Variants in SLC71A2 observed in about 807,000 individuals in gnomAD.
The protein encoded by SLC71A2 is hippocampus abundant transcript-like 1.
chr9:94,420,109 A>T, the SLC71A2 span, among the ~76,000 whole-genome samples: 1 of 152,088 alleles, frequency 6.6e-6, no homozygotes, highest in Non-Finnish European at 1.5e-5. Context: ...ATGGCCAAGG[A>T]TGTATGAGTG....
the SLC71A2 span, among the ~76,000 whole-genome samples, chr9:94,453,148 CTTTTTTT>C: frequency 1.6e-5 from 2 of 124,774 alleles, no homozygotes; most frequent in Admixed American, 8.3e-5. Context: ...ACTCAGCCAT[CTTTTTTT>C]TTTTTTTTTT....
At chr9:94,447,753 C>T in the SLC71A2 span, among the ~76,000 whole-genome samples, 410 of 152,286 alleles carry the variant, frequency 2.7e-3, 1 homozygote, top group African/African-American at 9.4e-3. Context: ...CGTATGATGA[C>T]ATGATAACAT....
the SLC71A2 span, chr9:94,458,522 C>A: frequency 6.6e-7 from 1 of 1,515,472 alleles, no homozygotes; most frequent in Non-Finnish European, 9.1e-7. Flanking sequence ...ATAGCAAAAT[C>A]TTGTGACCTT....
chr9:94,405,764 T>C, the SLC71A2 span, among the ~76,000 whole-genome samples: 1 of 152,092 alleles, frequency 6.6e-6, no homozygotes, highest in Non-Finnish European at 1.5e-5. Context: ...AAGATTGTTT[T>C]GGCTTTTGGG....
the SLC71A2 span, among the ~76,000 whole-genome samples, chr9:94,458,848 ATTAATG>A: frequency 6.6e-6 from 1 of 152,322 alleles, no homozygotes; most frequent in African/African-American, 2.4e-5. Context: ...CAAAGCTGGA[ATTAATG>A]TTCATGTACA....
chr9:94,424,422 A>G, the SLC71A2 span, among the ~76,000 whole-genome samples: 1 of 151,944 alleles, frequency 6.6e-6, no homozygotes, highest in Non-Finnish European at 1.5e-5. Context: ...TTTAGTAGAT[A>G]CTGGGTTTCA....
chr9:94,374,911 C>G, the SLC71A2 span: 4 of 1,269,710 alleles, frequency 3.2e-6, no homozygotes. Context: ...GGCGCGCAGG[C>G]CGCGGGGAGC....
chr9:94,390,680 C>T, the SLC71A2 span, among the ~76,000 whole-genome samples: 1 of 152,128 alleles, frequency 6.6e-6, no homozygotes, highest in Non-Finnish European at 1.5e-5. Flanking sequence ...TGTAGACATG[C>T]CTGAACATTT....
the SLC71A2 span, among the ~76,000 whole-genome samples, chr9:94,417,868 C>CCCA: frequency 2.0e-5 from 1 of 49,536 alleles, no homozygotes; most frequent in East Asian, 1.8e-3. Context: ...ACCCCCCCCC[C>CCCA]CCCCCCCCGA....
At chr9:94,438,566 T>G in the SLC71A2 span, 1 of 1,603,096 alleles carries the variant, frequency 6.2e-7, no homozygotes, top group South Asian at 1.1e-5. Context: ...ACTGCTTGTT[T>G]TGAGTCACAT....
At chr9:94,402,245 G>A in the SLC71A2 span, among the ~76,000 whole-genome samples, 1 of 152,140 alleles carries the variant, frequency 6.6e-6, no homozygotes. Context: ...GAGTCGCTCT[G>A]GTTCACACGC....
At chr9:94,440,377 TCTC>T in the SLC71A2 span, among the ~76,000 whole-genome samples, 1 of 152,024 alleles carries the variant, frequency 6.6e-6, no homozygotes, top group Non-Finnish European at 1.5e-5. Flanking sequence ...ATGGTCTCAA[TCTC>T]CTGACCTCGT....
At chr9:94,443,955 T>G in the SLC71A2 span, among the ~76,000 whole-genome samples, 1 of 152,222 alleles carries the variant, frequency 6.6e-6, no homozygotes. Context: ...CACATTCTTT[T>G]TTCCCCTCCA....
chr9:94,418,247 A>T, the SLC71A2 span, among the ~76,000 whole-genome samples: 4 of 152,144 alleles, frequency 2.6e-5, no homozygotes, highest in Admixed American at 2.0e-4. Context: ...ATTGTTTTCT[A>T]TGCTTTTGTT....
the SLC71A2 span, among the ~76,000 whole-genome samples, chr9:94,448,818 A>T: frequency 9.2e-5 from 14 of 152,228 alleles, no homozygotes; most frequent in East Asian, 2.1e-3. Context: ...TTTTTAGTAG[A>T]GACAGGGTTT....
At chr9:94,396,501 G>C in the SLC71A2 span, among the ~76,000 whole-genome samples, 1 of 152,158 alleles carries the variant, frequency 6.6e-6, no homozygotes, top group Non-Finnish European at 1.5e-5. Flanking sequence ...GGCAACAGAT[G>C]GGGAGACTCT....
chr9:94,440,898 T>C, the SLC71A2 span: 656 of 749,434 alleles, frequency 8.8e-4, no homozygotes, highest in Non-Finnish European at 8.9e-4. Flanking sequence ...TCTTGGTGCG[T>C]AATCTTTACA....
chr9:94,437,449 C>T, the SLC71A2 span, among the ~76,000 whole-genome samples: 1 of 151,882 alleles, frequency 6.6e-6, no homozygotes, highest in Non-Finnish European at 1.5e-5. Flanking sequence ...AGTTCCTTGA[C>T]TTCCTTTGCT....
the SLC71A2 span, among the ~76,000 whole-genome samples, chr9:94,457,889 A>C: frequency 6.6e-6 from 1 of 152,168 alleles, no homozygotes. Context: ...TGGGTTTTTC[A>C]GTGTAGGTCT....
Sources: gnomAD v4.1 joint callset for allele counts (sites outside exome capture counted in the v4.1 genomes callset) on GRCh38, gnomAD v4.1.1 for gene constraint, MANE v1.5 for transcripts, NCBI Gene and HGNC (gene_info 2026-07-23, HGNC 2026-07-21) for gene names.